SHANK2: variants seen among roughly 807,000 people sequenced by gnomAD.
SHANK2 encodes the protein SH3 and multiple ankyrin repeat domains 2.
In SHANK2, 43 loss-of-function variants were observed where a neutral mutation model predicts 133.7. The ratio of observed to expected loss-of-function variants is 0.32; its 90% CI spans 0.25 to 0.41. The LOEUF is 0.41. Among genes scored for constraint, SHANK2 ranks in the 10% least tolerant of loss-of-function variants. The pLI is 1.00. For synonymous variants in SHANK2, 1,017 were observed against 952.8 expected (o/e 1.07, Z -1.24); for missense variants, 1,994 against 2,235.8 (o/e 0.89, Z 2.18).
At chr11:70,893,652 G>A (rs112392503) in intron 11 of SHANK2, among the ~76,000 whole-genome samples, 10 of 152,058 alleles carry the variant, frequency 6.6e-5, no homozygotes, top group Non-Finnish European at 2.9e-5. Flanking sequence ...GAAACAAGAG[G>A]TTTTTTTTCT....
intron 11 of SHANK2, among the ~76,000 whole-genome samples, chr11:70,891,975 C>T (rs1210027991): frequency 2.6e-5 from 4 of 152,174 alleles, no homozygotes; most frequent in Admixed American, 6.5e-5. Flanking sequence ...CTCTGAGCCC[C>T]GGCTGAGGAC....
At chr11:70,862,640 G>A (rs184561017) in intron 11 of SHANK2, 1 of 307,466 alleles carries the variant, frequency 3.3e-6, no homozygotes, top group East Asian at 1.3e-4. Flanking sequence ...TGGACTGGCT[G>A]ATGGACTGGA....
chr11:70,601,588 G>T (rs12419167), intron 17 of SHANK2, among the ~76,000 whole-genome samples: 2,898 of 152,264 alleles, frequency 0.019, 34 homozygotes, highest in Non-Finnish European at 0.026. Flanking sequence ...CTGACCTCAG[G>T]TGATCCACCT....
chr11:70,896,538 C>T lies in SHANK2; in HGVS notation c.1137G>A (p.Leu379=), dbSNP rs555614900. ...QVAIIAGNFE[L]AEYIKNHKET... The stretch of plus-strand genomic sequence containing the variant: ...CCTTGTGGTTCTTGATGTATTCTGC[C>T]AGCTCAAAGTTGCCTGCTATTATGG... The change falls in exon 11 of 26, where the codon CTG becomes CTA. Residue 379 remains leucine (L), a synonymous_variant. Transcript: ENST00000601538. The T allele has an allele frequency of 1.3e-4, 95 of 718,920 alleles. No individual in the cohort carries two copies. In the African/African-American group the frequency reaches 1.6e-3, roughly 12 times the overall value. The allele number at this position is 718,920 out of a possible 1,614,324, so 44.5% of individuals were successfully genotyped here.
intron 10 of SHANK2, among the ~76,000 whole-genome samples, chr11:70,902,685 T>G (rs1172556298): frequency 1.3e-5 from 2 of 152,198 alleles, no homozygotes; most frequent in Non-Finnish European, 2.9e-5. Context: ...TCACCCCCAG[T>G]TGTAAGTCCT....
chr11:71,075,397 C>T (rs910138435), intron 8 of SHANK2, 122 bp from the exon 9 acceptor site: 36,860 of 159,534 alleles, frequency 0.23, 4,904 homozygotes, highest in Non-Finnish European at 0.27. Flanking sequence ...AGGGCCTGTG[C>T]AGACCCCAAC....
At chr11:70,559,846 C>G (rs1199903818) in intron 17 of SHANK2, among the ~76,000 whole-genome samples, 1 of 149,342 alleles carries the variant, frequency 6.7e-6, no homozygotes, top group South Asian at 2.2e-4. Context: ...CCCCAGACCA[C>G]CCATATTCTG....
intron 17 of SHANK2, among the ~76,000 whole-genome samples, chr11:70,636,515 G>T (rs151157600): frequency 1.1e-3 from 159 of 149,404 alleles, no homozygotes; most frequent in African/African-American, 3.6e-3. Flanking sequence ...GGATGCATGA[G>T]AATGTGTGAA....
At chr11:71,171,939 C>CA (rs35483965) in intron 2 of SHANK2, among the ~76,000 whole-genome samples, 139,306 of 152,164 alleles carry the variant, frequency 0.92, 64,538 homozygotes, top group Non-Finnish European at 0.98. Flanking sequence ...ATCTAGTCCA[C>CA]ACGCCTGGGA....
intron 17 of SHANK2, among the ~76,000 whole-genome samples, chr11:70,534,636 T>A (rs1209052008): frequency 3.3e-5 from 5 of 152,152 alleles, no homozygotes; most frequent in Non-Finnish European, 7.4e-5. Context: ...CCAGGCTGGC[T>A]TCAACAAATG....
At chr11:70,855,327 C>G (rs1949152682) in intron 11 of SHANK2, among the ~76,000 whole-genome samples, 1 of 152,246 alleles carries the variant, frequency 6.6e-6, no homozygotes, top group Non-Finnish European at 1.5e-5. Context: ...CTTCCCATAT[C>G]TAGAATGTTG....
At chr11:70,490,770 TG>T (rs2058875032) in intron 22 of SHANK2, among the ~76,000 whole-genome samples, 1 of 151,942 alleles carries the variant, frequency 6.6e-6, no homozygotes, top group Non-Finnish European at 1.5e-5. Flanking sequence ...GGGTCTGGCC[TG>T]GGTCCATACC....
At chr11:70,801,983 G>A (rs1242409977) in intron 13 of SHANK2, among the ~76,000 whole-genome samples, 3 of 152,180 alleles carry the variant, frequency 2.0e-5, no homozygotes, top group Admixed American at 2.0e-4. Flanking sequence ...CGAGGGGCAG[G>A]AGGAAGACTA....
chr11:70,469,329 G>A lies in SHANK2; in HGVS notation c.*3540C>T, dbSNP rs2135641462. 1 of 152,746 alleles carries A rather than the reference G, an allele frequency of 6.5e-6. No individual in the cohort carries two copies. The highest frequency in any genetic ancestry group is 1.9e-4 in the East Asian group (1 of 5,192). 9.5% of individuals were successfully genotyped at this position (152,746 alleles called of 1,614,324 possible). ...TTCTGGTCAGTTTTAGAGAGGCAGA[G>A]CTGGCCACAATGCCTGAGATAATCT... On this transcript the variant is annotated 3_prime_UTR_variant, in exon 26 of 26. Transcript: ENST00000601538.
chr11:71,103,377 G>C (rs958374981), intron 6 of SHANK2, among the ~76,000 whole-genome samples: 1 of 152,134 alleles, frequency 6.6e-6, no homozygotes, highest in Non-Finnish European at 1.5e-5. Context: ...GTCTCCCTGG[G>C]ACCAACAGGC....
intron 11 of SHANK2, among the ~76,000 whole-genome samples, chr11:70,821,878 G>T (rs1324242260): frequency 6.6e-6 from 1 of 152,178 alleles, no homozygotes; most frequent in African/African-American, 2.4e-5. Context: ...GAGGAAGCAG[G>T]GGCTGGGCAC....
chr11:70,550,383 C>G (rs1376476361), intron 17 of SHANK2, among the ~76,000 whole-genome samples: 1 of 152,206 alleles, frequency 6.6e-6, no homozygotes, highest in African/African-American at 2.4e-5. Context: ...CTGGAGCCTG[C>G]TGCATGCGTA....
At chr11:71,198,770 C>A (rs547186953) in intron 2 of SHANK2, among the ~76,000 whole-genome samples, 1 of 152,286 alleles carries the variant, frequency 6.6e-6, no homozygotes, top group Admixed American at 6.5e-5. Context: ...GCAGATGTCT[C>A]GTGTCTGTGG....
At chr11:70,474,165 C>G (rs2058633094) in intron 25 of SHANK2, 2 of 156,768 alleles carry the variant, frequency 1.3e-5, no homozygotes, top group Non-Finnish European at 2.8e-5. Flanking sequence ...CTGTCCAGCG[C>G]CCACCCAGTG....
Sources: allele counts gnomAD v4.1 joint callset (sites outside exome capture counted in the v4.1 genomes callset), GRCh38; gene constraint gnomAD v4.1.1; transcripts MANE v1.5; gene names NCBI Gene and HGNC (gene_info 2026-07-23, HGNC 2026-07-21).